GABRA2: variants seen among roughly 807,000 people sequenced by gnomAD.
GABRA2 encodes gamma-aminobutyric acid receptor subunit alpha-2.
Under a neutral mutation model 48.7 loss-of-function variants are expected in GABRA2, and 16 were observed. The observed-to-expected ratio is 0.33, with a 90% CI of 0.22 to 0.50. GABRA2 has a LOEUF of 0.50. GABRA2 is among the 20% of genes least tolerant of loss of function. The pLI, the probability that GABRA2 is intolerant of heterozygous loss-of-function variation, is 0.98. For synonymous variants in GABRA2, 185 were observed against 184.5 expected (o/e 1.00, Z -0.02); for missense variants, 275 against 535.6 (o/e 0.51, Z 4.80).
At position 46,350,478 on chromosome 4, in the gene GABRA2, C is replaced by T. The variant is rs150800084; in HGVS notation, c.188-17796G>A. 4.6e-3 allele frequency among the ~76,000 whole-genome samples: 691 copies of T among 151,778 alleles called. 6 individuals are homozygous for T. The highest frequency in any genetic ancestry group is 0.016 in the African/African-American group (668 of 41,434). ...ATTATCTTTGTTCTATATCATACAT[C>T]ATACATATATTTGTATATATATACA... is the stretch of plus-strand genomic sequence containing the variant. On this transcript the variant is annotated intron_variant, in intron 3 of 9. Transcript: ENST00000381620.
intron 7 of GABRA2, among the ~76,000 whole-genome samples, chr4:46,304,923 C>CAAA (rs34292975): frequency 0.39 from 31,269 of 80,172 alleles, 5,653 homozygotes; most frequent in East Asian, 0.54. Flanking sequence ...GACTCTGTCT[C>CAAA]AAAAAAAAAA....
intron 3 of GABRA2, among the ~76,000 whole-genome samples, chr4:46,383,203 A>T (rs1216133045): frequency 6.6e-6 from 1 of 152,160 alleles, no homozygotes; most frequent in Non-Finnish European, 1.5e-5. Context: ...ATTATATTTA[A>T]TATTCATAAA....
At chr4:46,314,648 C>G (rs1182159692) in intron 4 of GABRA2, among the ~76,000 whole-genome samples, 2 of 152,040 alleles carry the variant, frequency 1.3e-5, no homozygotes, top group African/African-American at 4.8e-5. Context: ...CCTCCCCGCT[C>G]TAGCAATAAC....
At chr4:46,290,532 TATA>T (rs1340308380) in intron 8 of GABRA2, among the ~76,000 whole-genome samples, 1 of 152,128 alleles carries the variant, frequency 6.6e-6, no homozygotes, top group Non-Finnish European at 1.5e-5. Flanking sequence ...GGGATATTAT[TATA>T]AATGATATTA....
intron 4 of GABRA2, among the ~76,000 whole-genome samples, chr4:46,330,591 T>TATATAGAGAGAGAGAGAGAGAGAGAGAG (rs1411755120): frequency 1.6e-5 from 2 of 122,688 alleles, no homozygotes; most frequent in Admixed American, 1.9e-4. Flanking sequence ...TATATATATA[T>TATATAGAGAGAGAGAGAGAGAGAGAGAG]AGAGAGAGAG....
rs1717299627 is a variant in GABRA2 at position 46,385,326 on chromosome 4, AAAC to A, written c.187+745_187+747del. ...CTAAATGTCTTAATGATTATGAAAC[AAAC>A]AAGTGATAAATGTGATCATTAAAAT... On this transcript the variant is annotated intron_variant, in intron 3 of 9. Coordinates refer to ENST00000381620, the MANE Select transcript of GABRA2 (RefSeq NM_000807.4). Among the ~76,000 whole-genome samples, 3 of 151,986 alleles carry A rather than the reference AAAC, an allele frequency of 2.0e-5. No homozygotes were observed. The South Asian group carries it at 6.2e-4, about 31-fold the overall frequency.
intron 5 of GABRA2, among the ~76,000 whole-genome samples, chr4:46,311,159 G>T (rs1727585241): frequency 6.6e-6 from 1 of 152,120 alleles, no homozygotes; most frequent in Admixed American, 6.5e-5. Flanking sequence ...AATGATCAAT[G>T]TACAAAGTCA....
chr4:46,369,866 T>A (rs1200212752), intron 3 of GABRA2, among the ~76,000 whole-genome samples: 8 of 152,114 alleles, frequency 5.3e-5, no homozygotes. Context: ...TGGTAGTTAT[T>A]TAAGGCTTCT....
At chr4:46,377,068 G>GGT (rs1715846033) in intron 3 of GABRA2, among the ~76,000 whole-genome samples, 1 of 152,054 alleles carries the variant, frequency 6.6e-6, no homozygotes, top group African/African-American at 2.4e-5. Flanking sequence ...GTGCAGTGGC[G>GGT]TGATCTCGGC....
chr4:46,332,059 C>T (rs1287410659), intron 4 of GABRA2, among the ~76,000 whole-genome samples: 1 of 152,068 alleles, frequency 6.6e-6, no homozygotes, highest in Non-Finnish European at 1.5e-5. Flanking sequence ...AATACCAGTT[C>T]CATAGAATCC....
At chr4:46,331,684 A>C (rs1731387571) in intron 4 of GABRA2, among the ~76,000 whole-genome samples, 1 of 152,120 alleles carries the variant, frequency 6.6e-6, no homozygotes, top group Non-Finnish European at 1.5e-5. Flanking sequence ...ACCAGTACCT[A>C]ACACATCAAA....
intron 3 of GABRA2, among the ~76,000 whole-genome samples, chr4:46,377,111 T>C (rs1349041903): frequency 6.6e-6 from 1 of 152,068 alleles, no homozygotes; most frequent in Non-Finnish European, 1.5e-5. Context: ...GCAGCCTGCC[T>C]TGGCCTCCCA....
In GABRA2 at chr4:46,257,135, A is replaced by T. The variant is rs1002962961; in HGVS notation, c.1059+4791T>A. ...TCTTGTAAACTTGTGTAAGAAACAG[A>T]CTTACTTACAATATAACTATAATGT... On this transcript the variant is annotated intron_variant, in intron 9 of 9. Transcript: ENST00000381620. Among the ~76,000 whole-genome samples, 7 of 151,730 alleles carry T rather than the reference A, an allele frequency of 4.6e-5. No homozygotes were observed. The Admixed American group carries it at 4.6e-4, about 10-fold the overall frequency.
chr4:46,255,880 T>C (rs999685441), intron 9 of GABRA2, among the ~76,000 whole-genome samples: 1 of 151,536 alleles, frequency 6.6e-6, no homozygotes, highest in Non-Finnish European at 1.5e-5. Context: ...TATAAACACC[T>C]ATGAGTAAAG....
At chr4:46,291,334 C>T (rs2350772) in intron 8 of GABRA2, among the ~76,000 whole-genome samples, 76,229 of 151,404 alleles carry the variant, frequency 0.5, 20,357 homozygotes, top group African/African-American at 0.69. Flanking sequence ...TAGGAGTGTG[C>T]CCATTACTAG....
rs183533345 is a variant in GABRA2, at chr4:46,282,195, T to G, written c.857-20067A>C. Among the ~76,000 whole-genome samples, 231 of 152,290 alleles carry G rather than the reference T, an allele frequency of 1.5e-3. 1 individual carries two copies. The highest frequency in any genetic ancestry group is 6.8e-3 in the Middle Eastern group (2 of 294). On this transcript the variant is annotated intron_variant, in intron 8 of 9. Coordinates refer to ENST00000381620, the MANE Select transcript of GABRA2 (RefSeq NM_000807.4). ...GACAACCTCTTATTCTCCTTTCCAT[T>G]GGAGGAATATTCCTCTTCCCTCTTC...
chr4:46,250,049 C>T lies in GABRA2; in HGVS notation c.*259G>A, dbSNP rs573400. The T allele has an allele frequency of 0.61, 217,712 of 356,358 alleles. 67,838 individuals are homozygous for T. Among genetic ancestry groups the T allele is most frequent in the South Asian group, 0.77 (12,944 of 16,848 alleles). The allele number at this position is 356,358 out of a possible 1,614,324, so 22.1% of individuals were successfully genotyped here. Reference sequence around the variant, plus strand: ...GAAGAATAGGAAATTAATCAGGTCACTTGAAATTCACTTTAAATCAGGTCC... The same window carrying T: ...GAAGAATAGGAAATTAATCAGGTCATTTGAAATTCACTTTAAATCAGGTCC... On this transcript the variant is annotated 3_prime_UTR_variant, in exon 10 of 10. Coordinates refer to ENST00000381620, the MANE Select transcript of GABRA2 (RefSeq NM_000807.4).
At chr4:46,284,091 A>C (rs954882144) in intron 8 of GABRA2, among the ~76,000 whole-genome samples, 2 of 151,970 alleles carry the variant, frequency 1.3e-5, no homozygotes, top group African/African-American at 2.4e-5. Flanking sequence ...AAAAAAAAAA[A>C]AAAACTCTGT....
At chr4:46,332,483 CATGT>C (rs1731532814) in intron 4 of GABRA2, 128 bp downstream of exon 4, 1 of 569,028 alleles carries the variant, frequency 1.8e-6, no homozygotes, top group South Asian at 2.4e-5. Flanking sequence ...TTTAACTATC[CATGT>C]ATTTGAGTAG....
Sources: gnomAD v4.1 joint callset for allele counts (sites outside exome capture counted in the v4.1 genomes callset) on GRCh38, gnomAD v4.1.1 for gene constraint, MANE v1.5 for transcripts, NCBI Gene and HGNC (gene_info 2026-07-23, HGNC 2026-07-21) for gene names.